The following SHANK2 variants were observed in gnomAD, a reference collection of about 807,000 sequenced individuals.
SHANK2 encodes SH3 and multiple ankyrin repeat domains protein 2.
Under a neutral mutation model 133.7 loss-of-function variants are expected in SHANK2, and 43 were observed. That is an observed-to-expected ratio of 0.32 (90% CI 0.25 to 0.41). SHANK2 has a LOEUF of 0.41. Among genes scored for constraint, SHANK2 ranks in the 10% least tolerant of loss-of-function variants. The pLI is 1.00. For synonymous variants in SHANK2, 1,017 were observed against 952.8 expected (o/e 1.07, Z -1.24); for missense variants, 1,994 against 2,235.8 (o/e 0.89, Z 2.18).
rs148574921 is a variant in SHANK2, at chr11:70,484,862, C to T, written c.4979+452G>A. Among the ~76,000 whole-genome samples the T allele has an allele frequency of 1.3e-3, 199 of 152,302 alleles. 6 individuals carry two copies. The highest frequency in any genetic ancestry group is 0.011 in the Admixed American group (163 of 15,306). The stretch of plus-strand genomic sequence containing the variant: ...GATGGGAGGGGAAGAAGAACCCACA[C>T]GTGTATTCAGACACCTGCACCCACC... On this transcript the variant is annotated intron_variant, in intron 25 of 25. Coordinates refer to ENST00000601538, the MANE Select transcript of SHANK2 (RefSeq NM_012309.5).
rs368812519 is a variant in SHANK2 at position 70,502,943 on chromosome 11, C to A, written c.2062-12G>T. The A allele has an allele frequency of 5.0e-6, 8 of 1,613,958 alleles. No homozygotes were observed. Among genetic ancestry groups the A allele is most frequent in the Non-Finnish European group, 6.8e-6 (8 of 1,179,950 alleles). On this transcript the variant is annotated splice_polypyrimidine_tract_variant and intron_variant, in intron 17 of 25. Transcript: ENST00000601538. ...TTCTCATTGTTAACCTGTGGGAAGG[C>A]GGAGAGGATGGCATCAGTGAGAGCC... is the stretch of plus-strand genomic sequence containing the variant.
intron 2 of SHANK2, among the ~76,000 whole-genome samples, chr11:71,189,208 C>G (rs1953737610): frequency 6.6e-6 from 1 of 152,242 alleles, no homozygotes; most frequent in African/African-American, 2.4e-5. Flanking sequence ...CATCCACCAG[C>G]AGGTGTGTGA....
chr11:70,894,313 G>C (rs1339258750), intron 11 of SHANK2, among the ~76,000 whole-genome samples: 1 of 151,964 alleles, frequency 6.6e-6, no homozygotes, highest in African/African-American at 2.4e-5. Flanking sequence ...TCAGCCTCCC[G>C]AGTAGCTGGG....
intron 2 of SHANK2, among the ~76,000 whole-genome samples, chr11:71,156,822 G>C (rs1214753125): frequency 2.6e-5 from 4 of 152,098 alleles, no homozygotes; most frequent in Non-Finnish European, 5.9e-5. Flanking sequence ...TTTTCCCCTG[G>C]GGCTCATAAA....
chr11:70,665,229 C>A (rs1031091181), intron 15 of SHANK2, among the ~76,000 whole-genome samples: 10 of 152,188 alleles, frequency 6.6e-5, no homozygotes, highest in African/African-American at 2.4e-4. Context: ...TAAGTTTGAA[C>A]CCCAGGCAGT....
chr11:71,105,405 C>T (rs1186199725), intron 6 of SHANK2, among the ~76,000 whole-genome samples: 1 of 151,956 alleles, frequency 6.6e-6, no homozygotes, highest in Non-Finnish European at 1.5e-5. Context: ...CCAGCCTAGC[C>T]AACATGGTGA....
intron 11 of SHANK2, among the ~76,000 whole-genome samples, chr11:70,885,804 C>T (rs188038644): frequency 2.4e-4 from 37 of 152,244 alleles, no homozygotes; most frequent in African/African-American, 7.7e-4. Flanking sequence ...TGCTGGAAAT[C>T]GGCCAAATGT....
chr11:70,591,382 A>G (rs1278974558), intron 17 of SHANK2, among the ~76,000 whole-genome samples: 1 of 142,760 alleles, frequency 7.0e-6, no homozygotes, highest in Non-Finnish European at 1.6e-5. Context: ...AGAAAAAGAA[A>G]AAAAAGAAAA....
intron 15 of SHANK2, among the ~76,000 whole-genome samples, chr11:70,672,066 C>CT (rs1323179481): frequency 0.038 from 2,064 of 54,602 alleles, 94 homozygotes; most frequent in Admixed American, 0.22. Context: ...TTTTCTTTTT[C>CT]TTTTTTTTTT....
chr11:70,863,893 G>C, intron 11 of SHANK2: 1 of 457,056 alleles, frequency 2.2e-6, no homozygotes, highest in Non-Finnish European at 4.4e-6. Context: ...GGAGAAACCA[G>C]CCCTGGGACA....
At chr11:70,726,568 CTCTG>C (rs1555030763) in intron 14 of SHANK2, among the ~76,000 whole-genome samples, 1 of 152,144 alleles carries the variant, frequency 6.6e-6, no homozygotes, top group Non-Finnish European at 1.5e-5. Context: ...GGGCAAGTGT[CTCTG>C]TCTGTGGAGA....
At chr11:71,251,099 C>A (rs1016345193) in intron 1 of SHANK2, among the ~76,000 whole-genome samples, 1 of 152,226 alleles carries the variant, frequency 6.6e-6, no homozygotes, top group Non-Finnish European at 1.5e-5. Context: ...GCCTGACCCC[C>A]CCACCACCCA....
At chr11:70,529,409 C>T (rs1231350288) in intron 17 of SHANK2, among the ~76,000 whole-genome samples, 3 of 152,216 alleles carry the variant, frequency 2.0e-5, no homozygotes, top group Non-Finnish European at 4.4e-5. Context: ...GTTCAACACA[C>T]GGGTTCCCCA....
rs2058793817 is a variant in SHANK2, at chr11:70,485,793, G to A, written c.4500C>T (p.Ser1500=). The change falls in exon 25 of 26, where the codon AGC becomes AGT. Residue 1500 remains serine, a synonymous_variant. Coordinates refer to ENST00000601538, the MANE Select transcript of SHANK2 (RefSeq NM_012309.5). This position sits in a 1 kb window ranked among gnomAD's most constrained non-coding sequence, Gnocchi z 5.8. ...GIEEVDSRSS[S]DHHLETTSTI... ...TGCTGGTCGTCTCGAGGTGGTGGTCGCTGCTACTCCGGCTGTCCACCTCCT... is the reference window on the plus strand; with the variant it reads ...TGCTGGTCGTCTCGAGGTGGTGGTCACTGCTACTCCGGCTGTCCACCTCCT... 3.1e-6 allele frequency: 5 copies of A among 1,613,914 alleles called. No homozygotes were observed. Among genetic ancestry groups the A allele is most frequent in the East Asian group, 4.5e-5 (2 of 44,862 alleles).
chr11:70,656,913 C>G (rs547821950), intron 17 of SHANK2, among the ~76,000 whole-genome samples: 1 of 152,120 alleles, frequency 6.6e-6, no homozygotes, highest in Non-Finnish European at 1.5e-5. Context: ...GCTAAGTACC[C>G]AAGAAAGTCA....
At chr11:70,726,578 G>A (rs945753093) in intron 14 of SHANK2, among the ~76,000 whole-genome samples, 2 of 152,176 alleles carry the variant, frequency 1.3e-5, no homozygotes, top group Non-Finnish European at 2.9e-5. Context: ...CTCTGTCTGT[G>A]GAGATCAAAG....
At chr11:70,704,272 C>T (rs1291469033) in intron 14 of SHANK2, among the ~76,000 whole-genome samples, 1 of 152,262 alleles carries the variant, frequency 6.6e-6, no homozygotes, top group African/African-American at 2.4e-5. Context: ...AAAAACTTGG[C>T]TTTCTGTTGT....
At chr11:70,549,294 A>T (rs1554977228) in intron 17 of SHANK2, among the ~76,000 whole-genome samples, 2 of 152,216 alleles carry the variant, frequency 1.3e-5, no homozygotes, top group Non-Finnish European at 2.9e-5. Flanking sequence ...AGCCAAAGGC[A>T]TCCCTTCCAG....
chr11:70,773,115 G>C (rs988853086), intron 14 of SHANK2, among the ~76,000 whole-genome samples: 1 of 152,182 alleles, frequency 6.6e-6, no homozygotes, highest in Non-Finnish European at 1.5e-5. Flanking sequence ...CTGAACCAGA[G>C]AGAGGCCTTC....
Sources: allele counts gnomAD v4.1 joint callset (sites outside exome capture counted in the v4.1 genomes callset), GRCh38; gene constraint gnomAD v4.1.1; non-coding constraint Gnocchi (gnomAD v3.1); transcripts MANE v1.5; gene names NCBI Gene and HGNC (gene_info 2026-07-23, HGNC 2026-07-21).